The following SCRN1 variants were observed in gnomAD, a reference collection of about 807,000 sequenced individuals.
The protein encoded by SCRN1 is secernin-1.
SCRN1 carries 19 observed loss-of-function variants against 43.3 expected under a neutral mutation model. The observed-to-expected ratio is 0.44, with a 90% CI of 0.31 to 0.64. The LOEUF (loss-of-function observed/expected upper bound fraction) is 0.64. SCRN1 is among the 30% of genes least tolerant of loss of function. SCRN1 has a pLI of 0.09. For missense variants in SCRN1, 447 were observed against 524.1 expected (o/e 0.85, Z 1.44); for synonymous variants, 183 against 188.9 (o/e 0.97, Z 0.26).
intron 1 of SCRN1, among the ~76,000 whole-genome samples, chr7:29,970,291 C>T (rs989920311): frequency 6.6e-6 from 1 of 152,166 alleles, no homozygotes; most frequent in Non-Finnish European, 1.5e-5. Context: ...AATGCCGGCA[C>T]ACAGGCCTTT....
chr7:29,966,339 G>A (rs913343609), intron 2 of SCRN1, among the ~76,000 whole-genome samples: 1 of 152,180 alleles, frequency 6.6e-6, no homozygotes, highest in African/African-American at 2.4e-5. Context: ...TTCCCTCTTC[G>A]TGGAAGGAGT....
At position 29,940,821 on chromosome 7, in the gene SCRN1, C is replaced by T; in HGVS notation, c.600G>A (p.Glu200=). 6.2e-7 allele frequency: 1 copy of T among 1,601,628 alleles called. No individual in the cohort carries two copies. Among genetic ancestry groups the T allele is most frequent in the Non-Finnish European group, 8.5e-7 (1 of 1,176,568 alleles). ...QLSLTTKMDA[E]HPELRSYAQS... ...GAGCGTAACTCCTGAGTTCCGGATG[C>T]TCTGCATCCATCTTAGTGGTGAGCG... The change falls in exon 5 of 8, where the codon GAG becomes GAA. Residue 200 remains glutamate (E), a synonymous_variant. Coordinates refer to ENST00000242059, the MANE Select transcript of SCRN1 (RefSeq NM_014766.5).
chr7:29,968,345 T>C (rs1788562660), intron 2 of SCRN1, among the ~76,000 whole-genome samples: 1 of 152,048 alleles, frequency 6.6e-6, no homozygotes, highest in Non-Finnish European at 1.5e-5. Context: ...CTCCAGAATA[T>C]GTTTTGAGTT....
chr7:29,980,924 T>C (rs898207929), intron 1 of SCRN1, among the ~76,000 whole-genome samples: 6 of 152,180 alleles, frequency 3.9e-5, no homozygotes, highest in Non-Finnish European at 8.8e-5. Context: ...GATGGATGGA[T>C]AGATAGATTT....
At chr7:29,928,442 A>G (rs1159419884) in intron 6 of SCRN1, among the ~76,000 whole-genome samples, 1 of 152,232 alleles carries the variant, frequency 6.6e-6, no homozygotes, top group Admixed American at 6.5e-5. Context: ...ACTGATCACA[A>G]TATGCAAAAT....
chr7:29,934,234 T>C (rs1787250487), intron 6 of SCRN1, among the ~76,000 whole-genome samples: 1 of 152,258 alleles, frequency 6.6e-6, no homozygotes, highest in Admixed American at 6.5e-5. Context: ...TTAAAAGTAC[T>C]TAAAATTTTT....
chr7:29,938,174 A>G (rs573963730), intron 5 of SCRN1, among the ~76,000 whole-genome samples: 49 of 152,166 alleles, frequency 3.2e-4, no homozygotes, highest in African/African-American at 1.2e-3. Context: ...GACTACAGGC[A>G]TGCACCACCA....
At chr7:29,969,815 G>C (rs1184705586) in intron 1 of SCRN1, 2 of 456,266 alleles carry the variant, frequency 4.4e-6, no homozygotes, top group Non-Finnish European at 8.8e-6. Flanking sequence ...TTAAGCCTCT[G>C]ACCCACAGAC....
intron 3 of SCRN1, among the ~76,000 whole-genome samples, chr7:29,951,125 C>T (rs1052534727): frequency 1.3e-5 from 2 of 152,256 alleles, no homozygotes; most frequent in Non-Finnish European, 2.9e-5. Flanking sequence ...CTTTGGGGCT[C>T]TGCAGTTCCT....
chr7:29,980,043 G>A (rs1673146774), intron 1 of SCRN1, among the ~76,000 whole-genome samples: 1 of 152,166 alleles, frequency 6.6e-6, no homozygotes, highest in South Asian at 2.1e-4. Context: ...AAGTCAGATA[G>A]ACCCAGATTC....
At chr7:29,982,681 T>A (rs1789024636) in intron 1 of SCRN1, among the ~76,000 whole-genome samples, 1 of 22,924 alleles carries the variant, frequency 4.4e-5, no homozygotes, top group South Asian at 2.1e-3. Flanking sequence ...AGACCCTGTC[T>A]CAAAAAAAAA....
chr7:29,943,110 A>G (rs1174782242), intron 4 of SCRN1, among the ~76,000 whole-genome samples: 1 of 152,234 alleles, frequency 6.6e-6, no homozygotes, highest in Non-Finnish European at 1.5e-5. Context: ...AGAAAAATAC[A>G]TAGGCCAAGA....
chr7:29,960,223 A>G (rs1788265149), intron 2 of SCRN1, among the ~76,000 whole-genome samples: 1 of 152,224 alleles, frequency 6.6e-6, no homozygotes, highest in South Asian at 2.1e-4. Context: ...CAATGCTACC[A>G]GCCATCATTA....
intron 2 of SCRN1, among the ~76,000 whole-genome samples, chr7:29,957,248 G>T (rs183390436): frequency 6.6e-6 from 1 of 152,384 alleles, no homozygotes; most frequent in East Asian, 1.9e-4. Flanking sequence ...CAGAAAATCA[G>T]TGAGGAGGCC....
chr7:29,925,293 C>T (rs1786904790), intron 7 of SCRN1, among the ~76,000 whole-genome samples: 1 of 152,196 alleles, frequency 6.6e-6, no homozygotes, highest in African/African-American at 2.4e-5. Context: ...TGAGACAGCC[C>T]TTCTCAGAGA....
At chr7:29,955,581 G>C (rs1054330681) in intron 2 of SCRN1, among the ~76,000 whole-genome samples, 1 of 152,208 alleles carries the variant, frequency 6.6e-6, no homozygotes, top group African/African-American at 2.4e-5. Flanking sequence ...TGGTGCTCAC[G>C]TAATAGGGCA....
intron 2 of SCRN1, among the ~76,000 whole-genome samples, chr7:29,967,921 A>C (rs1229425770): frequency 6.6e-6 from 1 of 152,208 alleles, no homozygotes; most frequent in African/African-American, 2.4e-5. Flanking sequence ...AATATGAAGA[A>C]ATGGGCATTG....
intron 3 of SCRN1, among the ~76,000 whole-genome samples, chr7:29,951,908 T>C (rs1425010899): frequency 1.3e-5 from 2 of 152,192 alleles, no homozygotes; most frequent in Admixed American, 6.5e-5. Flanking sequence ...CCAGGATAAG[T>C]ATAGGGGCAA....
At chr7:29,943,122 T>G (rs936903412) in intron 4 of SCRN1, among the ~76,000 whole-genome samples, 2 of 152,148 alleles carry the variant, frequency 1.3e-5, no homozygotes, top group African/African-American at 4.8e-5. Context: ...AGGCCAAGAA[T>G]AGGTTCAACG....
Sources: allele counts gnomAD v4.1 joint callset (sites outside exome capture counted in the v4.1 genomes callset), GRCh38; gene constraint gnomAD v4.1.1; transcripts MANE v1.5; gene names NCBI Gene and HGNC (gene_info 2026-07-23, HGNC 2026-07-21).